Variants in ZNF682 observed in about 807,000 individuals in gnomAD.
ZNF682 encodes zinc finger protein 682.
A neutral mutation model predicts 36.5 loss-of-function variants in ZNF682; 29 were observed. That is an observed-to-expected ratio of 0.80 (90% CI 0.59 to 1.08). The LOEUF (loss-of-function observed/expected upper bound fraction) is 1.08. ZNF682 is among the 50% of genes least tolerant of loss of function. ZNF682 has a pLI of 0.00. For synonymous variants in ZNF682, 180 were observed against 197.0 expected (o/e 0.91, Z 0.72); for missense variants, 561 against 579.7 (o/e 0.97, Z 0.33).
downstream of ZNF682, among the ~76,000 whole-genome samples, chr19:20,000,519 C>T (rs953943062): frequency 1.3e-5 from 2 of 152,162 alleles, no homozygotes; most frequent in African/African-American, 4.8e-5. Flanking sequence ...CCATGTATTG[C>T]AGGGGCATCA....
intron 1 of ZNF682, among the ~76,000 whole-genome samples, chr19:20,035,549 A>G (rs1265401759): frequency 6.6e-6 from 1 of 152,066 alleles, no homozygotes; most frequent in South Asian, 2.1e-4. Context: ...TAAGATATAA[A>G]TATCTTAGGA....
intron 1 of ZNF682, among the ~76,000 whole-genome samples, chr19:20,027,560 G>T (rs1226786570): frequency 1.3e-5 from 2 of 152,172 alleles, no homozygotes; most frequent in Non-Finnish European, 2.9e-5. Context: ...GGGAGTTTGT[G>T]ACCAGGCTGA....
chr19:20,001,615 G>T (rs543653674), downstream of ZNF682, among the ~76,000 whole-genome samples: 3 of 152,330 alleles, frequency 2.0e-5, no homozygotes, highest in East Asian at 5.8e-4. Flanking sequence ...CCATAACACA[G>T]CATCACAGAA....
intron 3 of ZNF682, among the ~76,000 whole-genome samples, chr19:20,014,657 G>A (rs898737551): frequency 6.6e-5 from 10 of 151,600 alleles, no homozygotes; most frequent in Non-Finnish European, 1.2e-4. Flanking sequence ...GCACGTGCCT[G>A]TAGTCCCAGC....
downstream of ZNF682, among the ~76,000 whole-genome samples, chr19:20,001,194 C>T (rs34940873): frequency 0.017 from 2,524 of 152,290 alleles, 42 homozygotes; most frequent in Non-Finnish European, 0.021. Flanking sequence ...AAGCCATGAG[C>T]ATTTTTGCAT....
At chr19:20,036,076 C>T (rs181728159) in intron 1 of ZNF682, among the ~76,000 whole-genome samples, 525 of 152,214 alleles carry the variant, frequency 3.4e-3, no homozygotes, top group South Asian at 7.7e-3. Flanking sequence ...AGTTTGTCTA[C>T]ACAAGAGTAC....
chr19:20,022,042 C>T (rs906490955), intron 3 of ZNF682, among the ~76,000 whole-genome samples: 5 of 151,238 alleles, frequency 3.3e-5, no homozygotes, highest in African/African-American at 9.7e-5. Flanking sequence ...TGGTGGTGTA[C>T]GCCTGTAATA....
chr19:20,005,127 T>G lies in ZNF682; in HGVS notation c.*878A>C, dbSNP rs1374160305. Reference sequence around the variant, plus strand: ...AGAGTCTCTGTCGCCCAGGTTGGAGTTCAGTGGCGCGATCTCGGCTCACTG... The same window carrying G: ...AGAGTCTCTGTCGCCCAGGTTGGAGGTCAGTGGCGCGATCTCGGCTCACTG... On this transcript the variant is annotated 3_prime_UTR_variant, in exon 4 of 4. Transcript: ENST00000397165. The G allele has an allele frequency of 6.6e-6, 1 of 152,040 alleles. No individual in the cohort carries two copies. Among genetic ancestry groups the G allele is most frequent in the Admixed American group, 6.6e-5 (1 of 15,248 alleles). 9.4% of individuals were successfully genotyped at this position (152,040 alleles called of 1,614,324 possible).
downstream of ZNF682, among the ~76,000 whole-genome samples, chr19:20,001,926 A>C (rs1219815228): frequency 6.6e-6 from 1 of 152,196 alleles, no homozygotes; most frequent in Non-Finnish European, 1.5e-5. Flanking sequence ...TTGTAAAGGA[A>C]GTTTGTCTGT....
At chr19:20,010,978 T>C (rs11672881) in intron 3 of ZNF682, among the ~76,000 whole-genome samples, 1 of 149,868 alleles carries the variant, frequency 6.7e-6, no homozygotes, top group Non-Finnish European at 1.5e-5. Context: ...GAAAAAAAAA[T>C]TTTTTTAATT....
intron 1 of ZNF682, 176 bp downstream of exon 1, chr19:20,039,167 G>A (rs1333300447): frequency 5.0e-6 from 7 of 1,393,036 alleles, no homozygotes; most frequent in Non-Finnish European, 6.5e-6. Flanking sequence ...CCGGCTGCTG[G>A]CCCACCTCGC....
chr19:20,031,803 G>A (rs2088482113), intron 1 of ZNF682, among the ~76,000 whole-genome samples: 1 of 152,110 alleles, frequency 6.6e-6, no homozygotes, highest in Non-Finnish European at 1.5e-5. Flanking sequence ...TTAGCCAGGC[G>A]AGGTGGCGGG....
chr19:20,017,354 G>C (rs1298700583), intron 3 of ZNF682, among the ~76,000 whole-genome samples: 8 of 152,156 alleles, frequency 5.3e-5, no homozygotes, highest in Admixed American at 5.2e-4. Context: ...CAGGCTGAAA[G>C]TGACAGGATA....
At position 20,006,954 on chromosome 19, in the gene ZNF682, T is replaced by G; in HGVS notation, c.548A>C (p.Lys183Thr). 1.2e-6 allele frequency: 2 copies of G among 1,613,330 alleles called. No homozygotes were observed. The highest frequency in any genetic ancestry group is 1.7e-6 in the Non-Finnish European group (2 of 1,179,482). ...ATGATAAGAAAGGCCTGAGTGAGAT[T>G]TAAAGACTTTGCCACATTGCATACA... is the stretch of plus-strand genomic sequence containing the variant. Reference protein sequence around the residue: ...FKCMQCGKVFKSHSGLSYHKI... With the variant: ...FKCMQCGKVFTSHSGLSYHKI... The change falls in exon 4 of 4, where the codon AAA (lysine) becomes ACA (threonine). Residue 183 changes from lysine (K) to threonine (T), a missense_variant. Physicochemically the swap from Lys to Thr is moderately conservative, Grantham distance 78. Coordinates refer to ENST00000397165, the MANE Select transcript of ZNF682 (RefSeq NM_033196.3).
At chr19:20,036,159 C>A (rs2088527186) in intron 1 of ZNF682, among the ~76,000 whole-genome samples, 1 of 152,164 alleles carries the variant, frequency 6.6e-6, no homozygotes, top group Non-Finnish European at 1.5e-5. Context: ...GCTGGTCTTG[C>A]TATCGCAGCA....
chr19:20,039,478 T>C lies in ZNF682; in HGVS notation c.-133A>G. 1.6e-6 allele frequency: 2 copies of C among 1,261,586 alleles called. No individual in the cohort carries two copies. The highest frequency in any genetic ancestry group is 2.1e-5 in the Admixed American group (1 of 47,244). The allele number at this position is 1,261,586 out of a possible 1,614,324, so 78.1% of individuals were successfully genotyped here. Reference sequence around the variant, plus strand: ...GATACTAAGCAATGAAGATGGACCCTGAGCTCTGGCTGGAGCGAGACAAAG... The same window carrying C: ...GATACTAAGCAATGAAGATGGACCCCGAGCTCTGGCTGGAGCGAGACAAAG... On this transcript the variant is annotated 5_prime_UTR_variant, in exon 1 of 4. Transcript: ENST00000397165.
intron 3 of ZNF682, among the ~76,000 whole-genome samples, chr19:20,010,412 C>T (rs138150249): frequency 1.3e-5 from 2 of 152,284 alleles, no homozygotes; most frequent in Non-Finnish European, 2.9e-5. Flanking sequence ...GTAATCCCAG[C>T]GCTTTGGGAG....
At position 20,006,060 on chromosome 19, in the gene ZNF682, C is replaced by G. The variant is rs760778744; in HGVS notation, c.1442G>C (p.Cys481Ser). The G allele has an allele frequency of 6.2e-7, 1 of 1,609,574 alleles. No individual in the cohort carries two copies. The highest frequency in any genetic ancestry group is 2.2e-5 in the East Asian group (1 of 44,770). The part of the protein sequence containing the change: ...HKRVQRGEKS[C>S]KYKKCGEAFN... ...AGCTTCCCCACATTTTTTATACTTGCAGGATTTCTCTCCTCTTTGAACTCT... is the reference window on the plus strand; with the variant it reads ...AGCTTCCCCACATTTTTTATACTTGGAGGATTTCTCTCCTCTTTGAACTCT... The change falls in exon 4 of 4, where the codon TGC becomes TCC. Residue 481 changes from cysteine to serine, a missense_variant. Cys to Ser is a moderately radical substitution (Grantham distance 112). Transcript: ENST00000397165.
rs1568538033 is a variant in ZNF682 at position 20,007,179 on chromosome 19, A to G, written c.323T>C (p.Leu108Pro). 6.2e-7 allele frequency: 1 copy of G among 1,613,808 alleles called. No individual in the cohort carries two copies. The highest frequency in any genetic ancestry group is 2.2e-5 in the East Asian group (1 of 44,850). Residue 108 changes from leucine (L) to proline (P), a missense_variant, in exon 4 of 4, where the codon CTT becomes CCT. Transcript: ENST00000397165. ...ATCCTTCCTTAAGTGTAAATCCTCA[A>G]GTCCACAGCTTCCATATCTTCTCAG... ...VILRRYGSCG[L>P]EDLHLRKDGE...
Sources: allele counts gnomAD v4.1 joint callset (sites outside exome capture counted in the v4.1 genomes callset), GRCh38; gene constraint gnomAD v4.1.1; transcripts MANE v1.5; gene names NCBI Gene and HGNC (gene_info 2026-07-23, HGNC 2026-07-21).